CLASP1: variants seen among roughly 807,000 people sequenced by gnomAD.
CLASP1 encodes cytoplasmic linker associated protein 1, also known as CLIP-associating protein 1.
Under a neutral mutation model 192.3 loss-of-function variants are expected in CLASP1, and 38 were observed. The observed-to-expected ratio is 0.20, with a 90% CI of 0.15 to 0.26. The LOEUF is 0.26. Among genes scored for constraint, CLASP1 ranks in the 10% least tolerant of loss-of-function variants. The pLI, the probability that CLASP1 is intolerant of heterozygous loss-of-function variation, is 1.00. For synonymous variants in CLASP1, 691 were observed against 712.8 expected, an observed-to-expected ratio of 0.97 and a Z score of 0.49; for missense variants, 1,433 against 1,932.5, an observed-to-expected ratio of 0.74 and a Z score of 4.85.
At chr2:121,419,357 G>A (rs1254882740) in intron 22 of CLASP1, among the ~76,000 whole-genome samples, 1 of 152,084 alleles carries the variant, frequency 6.6e-6, no homozygotes, top group African/African-American at 2.4e-5. Flanking sequence ...GAAACCAGCA[G>A]ATATAAAAAG....
chr2:121,388,086 G>A (rs568330574), intron 30 of CLASP1, 180 bp from the exon 32 acceptor site: 7 of 508,270 alleles, frequency 1.4e-5, no homozygotes, highest in Admixed American at 1.1e-4. Flanking sequence ...GACTTCAATC[G>A]GGAAAATAAA....
At chr2:121,490,843 C>T (rs1046604342) in intron 8 of CLASP1, among the ~76,000 whole-genome samples, 5 of 152,202 alleles carry the variant, frequency 3.3e-5, no homozygotes, top group African/African-American at 1.2e-4. Flanking sequence ...TATCCCAAAC[C>T]TTGTAATATG....
At chr2:121,356,647 A>G (rs2065444263) in intron 37 of CLASP1, among the ~76,000 whole-genome samples, 1 of 152,172 alleles carries the variant, frequency 6.6e-6, no homozygotes, top group African/African-American at 2.4e-5. Context: ...TTATCATCCA[A>G]CTCTACCTGA....
intron 2 of CLASP1, chr2:121,531,028 A>T (rs573574132): frequency 1.3e-5 from 9 of 700,152 alleles, no homozygotes; most frequent in South Asian, 5.9e-5. Flanking sequence ...GTTTTCATAG[A>T]CTTATCAGTT....
intron 2 of CLASP1, among the ~76,000 whole-genome samples, chr2:121,533,554 T>G (rs1331746128): frequency 2.6e-5 from 4 of 152,112 alleles, no homozygotes; most frequent in African/African-American, 7.2e-5. Context: ...AGCCCTTAGG[T>G]TTATAAAACC....
intron 2 of CLASP1, among the ~76,000 whole-genome samples, chr2:121,535,068 A>G (rs929367588): frequency 2.6e-5 from 4 of 152,206 alleles, no homozygotes; most frequent in Admixed American, 2.6e-4. Flanking sequence ...GCCTTAGCTT[A>G]GGAGTTCAAG....
Position 121,623,281 on chromosome 2 carries a change from A to C in CLASP1, c.-285-17101T>G, listed in dbSNP as rs535154555. ...GATTTAATCAAATGTTTTTCCTGCCACTATTGAGATGATCATGTTGGTCTT... is the reference window on the plus strand; with the variant it reads ...GATTTAATCAAATGTTTTTCCTGCCCCTATTGAGATGATCATGTTGGTCTT... On this transcript the variant is annotated intron_variant, in intron 1 of 39. Transcript: ENST00000263710. Among the ~76,000 whole-genome samples, 9 of 152,270 alleles carry C rather than the reference A, an allele frequency of 5.9e-5. No homozygotes were observed. In the South Asian group the frequency reaches 1.2e-3, roughly 21 times the overall value.
intron 14 of CLASP1, among the ~76,000 whole-genome samples, chr2:121,453,935 G>A (rs1285119882): frequency 1.3e-5 from 2 of 152,104 alleles, no homozygotes; most frequent in Non-Finnish European, 2.9e-5. Context: ...AGAGGGACTG[G>A]GCAAGATGGT....
chr2:121,531,031 T>G (rs532435169), intron 2 of CLASP1: 58 of 700,088 alleles, frequency 8.3e-5, no homozygotes, highest in African/African-American at 6.1e-4. Context: ...TTCATAGACT[T>G]ATCAGTTCAA....
At chr2:121,517,263 T>G (rs1250606813) in intron 6 of CLASP1, among the ~76,000 whole-genome samples, 1 of 152,194 alleles carries the variant, frequency 6.6e-6, no homozygotes, top group Admixed American at 6.5e-5. Context: ...GGGGAGACTG[T>G]GCTTAATTCA....
At chr2:121,407,387 A>G (rs1027029230) in intron 25 of CLASP1, 84 bp downstream of exon 26, 1 of 1,461,322 alleles carries the variant, frequency 6.8e-7, no homozygotes, top group Non-Finnish European at 9.3e-7. Context: ...ATTAGACTCC[A>G]TTAATTATAG....
intron 2 of CLASP1, among the ~76,000 whole-genome samples, chr2:121,540,462 A>T (rs1251551441): frequency 3.9e-5 from 6 of 151,950 alleles, no homozygotes; most frequent in Admixed American, 2.6e-4. Context: ...AGATAGTGAG[A>T]CCCCATTTCT....
Position 121,494,067 on chromosome 2 carries a change from CT to C in CLASP1, c.712+9099del, listed in dbSNP as rs535071717. On this transcript the variant is annotated intron_variant, in intron 8 of 39. Transcript: ENST00000263710. ...GTTCCTCAAAACACTAAAACTAGAA[CT>C]ACCATACGATCCAGCAATCCCACTG... Among the ~76,000 whole-genome samples the C allele has an allele frequency of 2.0e-3, 307 of 152,306 alleles. 1 individual carries two copies. Among genetic ancestry groups the C allele is most frequent in the African/African-American group, 6.9e-3 (288 of 41,562 alleles).
intron 5 of CLASP1, 100 bp from the exon 6 acceptor site, chr2:121,526,020 C>T: frequency 1.3e-6 from 1 of 772,722 alleles, no homozygotes; most frequent in Non-Finnish European, 2.2e-6. Context: ...CCCCAATCCC[C>T]ATCACCACCT....
intron 3 of CLASP1, 39 bp downstream of exon 3, chr2:121,530,208 T>C (rs758890831): frequency 6.6e-7 from 1 of 1,525,702 alleles, no homozygotes. Context: ...GCTGGGGGTC[T>C]GAAGGGGCCG....
intron 1 of CLASP1, among the ~76,000 whole-genome samples, chr2:121,638,000 C>T (rs1235416297): frequency 6.6e-6 from 1 of 151,826 alleles, no homozygotes; most frequent in East Asian, 1.9e-4. Context: ...CAAAAGAGGA[C>T]ATTATCAAGA....
At chr2:121,376,508 C>G (rs946650848) in intron 34 of CLASP1, among the ~76,000 whole-genome samples, 5 of 72,610 alleles carry the variant, frequency 6.9e-5, no homozygotes, top group African/African-American at 3.1e-4. Flanking sequence ...ACTGTGGTTA[C>G]TAGAGGCTGG....
chr2:121,531,558 T>C (rs1212884510), intron 2 of CLASP1, among the ~76,000 whole-genome samples: 3 of 135,850 alleles, frequency 2.2e-5, no homozygotes, highest in African/African-American at 8.7e-5. Context: ...ATCGCGCCAC[T>C]GCACTCCAGC....
intron 2 of CLASP1, chr2:121,531,113 TAGTGTC>T (rs2094839019): frequency 1.6e-6 from 1 of 637,358 alleles, no homozygotes; most frequent in African/African-American, 1.8e-5. Flanking sequence ...CGCGTGGTTT[TAGTGTC>T]GCAAGTAAAG....
Sources: gnomAD v4.1 joint callset for allele counts (sites outside exome capture counted in the v4.1 genomes callset) on GRCh38, gnomAD v4.1.1 for gene constraint, MANE v1.5 for transcripts, NCBI Gene and HGNC (gene_info 2026-07-23, HGNC 2026-07-21) for gene names.